The following NPHP4 variants were observed in gnomAD, a reference collection of about 807,000 sequenced individuals.
NPHP4 encodes the protein nephrocystin-4.
In NPHP4, 151 loss-of-function variants were observed where a neutral mutation model predicts 155.8. That is an observed-to-expected ratio of 0.97 (90% CI 0.85 to 1.11). The LOEUF is 1.11. Among genes scored for constraint, NPHP4 ranks in the 50% least tolerant of loss-of-function variants. The pLI is 0.00. For missense variants in NPHP4, 1,956 were observed against 1,925.7 expected (o/e 1.02, Z -0.29); for synonymous variants, 845 against 816.8 (o/e 1.03, Z -0.59).
chr1:5,864,197 G>A, intron 28 of NPHP4, 141 bp downstream of exon 28: 3 of 1,125,300 alleles, frequency 2.7e-6, no homozygotes, highest in Non-Finnish European at 3.8e-6. Context: ...CACAGCACAG[G>A]AGCAAACACT....
chr1:5,880,427 A>T, intron 18 of NPHP4, 188 bp from the exon 19 acceptor site: 1 of 585,006 alleles, frequency 1.7e-6, no homozygotes, highest in Non-Finnish European at 3.0e-6. Flanking sequence ...TCTGCTGCGA[A>T]CTTTCAGCTA....
intron 6 of NPHP4, among the ~76,000 whole-genome samples, chr1:5,956,732 T>C (rs928070533): frequency 3.3e-5 from 5 of 152,190 alleles, no homozygotes; most frequent in African/African-American, 1.2e-4. Flanking sequence ...CAGGACGCTC[T>C]ACTGTAGGAG....
Position 5,897,954 on chromosome 1 carries a change from G to A in NPHP4, c.2143+6663C>T, listed in dbSNP as rs561357211. ...CCAAAACATGGCACGGTTTCTGCAG[G>A]TGGGGACATATGGGATTAGGGCTCT... is the stretch of plus-strand genomic sequence containing the variant. On this transcript the variant is annotated intron_variant, in intron 16 of 29. Coordinates refer to ENST00000378156, the MANE Select transcript of NPHP4 (RefSeq NM_015102.5). Among the ~76,000 whole-genome samples the A allele has an allele frequency of 3.9e-5, 6 of 152,342 alleles. No individual in the cohort carries two copies. The East Asian group carries it at 1.2e-3, about 29-fold the overall frequency.
chr1:5,898,560 C>A (rs1297603943), intron 16 of NPHP4, among the ~76,000 whole-genome samples: 1 of 152,240 alleles, frequency 6.6e-6, no homozygotes, highest in African/African-American at 2.4e-5. Flanking sequence ...TCAGATGCCG[C>A]TCTCTGAGTG....
chr1:5,964,383 G>A (rs1650949130), intron 5 of NPHP4, among the ~76,000 whole-genome samples: 1 of 152,166 alleles, frequency 6.6e-6, no homozygotes, highest in Non-Finnish European at 1.5e-5. Flanking sequence ...CTTGACCCCT[G>A]ACCAAATACC....
intron 16 of NPHP4, among the ~76,000 whole-genome samples, chr1:5,894,705 T>G (rs1052072876): frequency 2.7e-5 from 4 of 150,390 alleles, no homozygotes; most frequent in Non-Finnish European, 5.9e-5. Flanking sequence ...AATAGGAAGA[T>G]AGTAAAGAAT....
At position 5,880,306 on chromosome 1, in the gene NPHP4, C is replaced by T. The variant is rs994060451; in HGVS notation, c.2486-67G>A. 11 of 1,556,256 alleles carry T rather than the reference C, an allele frequency of 7.1e-6. No homozygotes were observed. The Admixed American group carries it at 8.7e-5, about 12-fold the overall frequency. ...GAGAATCTGATGAAACAGATCAACC[C>T]ACCACATAAGCGGCTGTGGCTTTCA... On this transcript the variant is annotated intron_variant, in intron 18 of 29. Transcript: ENST00000378156.
intron 5 of NPHP4, among the ~76,000 whole-genome samples, chr1:5,966,086 A>G (rs1417749431): frequency 6.6e-6 from 1 of 152,018 alleles, no homozygotes; most frequent in Non-Finnish European, 1.5e-5. Flanking sequence ...TGGAGGCTAC[A>G]CTTCCCAGCC....
chr1:5,944,414 G>C lies in NPHP4; in HGVS notation c.1119+2690C>G. ...GCCCGCCCTGGGCCTTCCAAGGAGC[G>C]CGCTGGGCTCCTCTACCACAGCCAC... is the stretch of plus-strand genomic sequence containing the variant. On this transcript the variant is annotated intron_variant, in intron 9 of 29. Coordinates refer to ENST00000378156, the MANE Select transcript of NPHP4 (RefSeq NM_015102.5). This position sits in a 1 kb window ranked among gnomAD's most constrained non-coding sequence, Gnocchi z 4.3. Among the ~76,000 whole-genome samples the C allele has an allele frequency of 6.6e-6, 1 of 152,234 alleles. No homozygotes were observed. Among genetic ancestry groups the C allele is most frequent in the Non-Finnish European group, 1.5e-5 (1 of 68,038 alleles).
chr1:5,927,908 T>C, intron 10 of NPHP4, 121 bp from the exon 11 acceptor site: 2 of 1,011,252 alleles, frequency 2.0e-6, no homozygotes, highest in Non-Finnish European at 2.9e-6. Flanking sequence ...CAGAGGCTTC[T>C]TGATGCCACA....
intron 23 of NPHP4, among the ~76,000 whole-genome samples, chr1:5,868,755 A>C (rs541244356): frequency 9.9e-6 from 1 of 100,556 alleles, no homozygotes; most frequent in East Asian, 2.1e-4. Flanking sequence ...ACACATGTAC[A>C]CATATGCATG....
chr1:5,986,427 T>G, intron 1 of NPHP4, 100 bp from the exon 2 acceptor site: 1 of 983,450 alleles, frequency 1.0e-6, no homozygotes, highest in Non-Finnish European at 1.5e-6. Context: ...CAGAGGAACC[T>G]CCATCCCCCA....
At position 5,927,746 on chromosome 1, in the gene NPHP4, C is replaced by T. The variant is rs765179963; in HGVS notation, c.1344G>A (p.Ser448=). 147 of 1,613,206 alleles carry T rather than the reference C, an allele frequency of 9.1e-5. 2 individuals carry two copies. In the South Asian group the frequency reaches 9.2e-4, roughly 10 times the overall value. The stretch of plus-strand genomic sequence containing the variant: ...CATCCAGGTGTTCTTCTGAGCCCAG[C>T]GAGAACTGGAACCGGAGTGTACCCG... ...VESGTLRFQF[S]LGSEEHLDAP... is the part of the protein sequence containing the mutation. The change falls in exon 11 of 30, where the codon TCG becomes TCA. Residue 448 remains serine, a synonymous_variant. Transcript: ENST00000378156.
chr1:5,961,418 T>A (rs948347020), intron 6 of NPHP4, among the ~76,000 whole-genome samples: 6 of 152,304 alleles, frequency 3.9e-5, no homozygotes, highest in Middle Eastern at 3.4e-3. Flanking sequence ...GTTATCCTTA[T>A]TTTACCTTAA....
At chr1:5,865,417 C>A (rs1313133915) in intron 26 of NPHP4, 144 bp from the exon 27 acceptor site, 6 of 701,874 alleles carry the variant, frequency 8.5e-6, no homozygotes, top group Non-Finnish European at 1.1e-5. Flanking sequence ...GGAGGCAGAG[C>A]TGGGGCCACG....
chr1:5,966,942 T>A (rs1651626200), intron 5 of NPHP4, among the ~76,000 whole-genome samples: 1 of 152,228 alleles, frequency 6.6e-6, no homozygotes, highest in Non-Finnish European at 1.5e-5. Context: ...GGCCTTGCCA[T>A]GCTGGAGATA....
At chr1:5,964,933 A>ATTTTTTTTTTT (rs1327414741) in intron 5 of NPHP4, among the ~76,000 whole-genome samples, 11 of 23,774 alleles carry the variant, frequency 4.6e-4, no homozygotes, top group African/African-American at 1.8e-3. Context: ...ATATATATAT[A>ATTTTTTTTTTT]TATATATATT....
At chr1:5,939,010 G>C (rs1361910269) in intron 9 of NPHP4, among the ~76,000 whole-genome samples, 1 of 152,114 alleles carries the variant, frequency 6.6e-6, no homozygotes, top group East Asian at 1.9e-4. Context: ...GCTATAAATA[G>C]AATGATGTCT....
chr1:5,877,241 A>C lies in NPHP4; in HGVS notation c.2669T>G (p.Met890Arg). The C allele has an allele frequency of 2.5e-6, 4 of 1,608,636 alleles. No individual in the cohort carries two copies. The highest frequency in any genetic ancestry group is 3.4e-6 in the Non-Finnish European group (4 of 1,176,482). ...GCCCTGCCGGGCATGGGTCAGTAGCATGGCAGCCAGCTCACTGTCCACGTC... is the reference window on the plus strand; with the variant it reads ...GCCCTGCCGGGCATGGGTCAGTAGCCTGGCAGCCAGCTCACTGTCCACGTC... Reference protein sequence around the residue: ...LADVDSELAAMLLTHARQGKG... With the variant: ...LADVDSELAARLLTHARQGKG... The change falls in exon 20 of 30, where the codon ATG (methionine) becomes AGG (arginine). Residue 890 changes from methionine (M) to arginine (R), a missense_variant. Physicochemically the swap from Met to Arg is moderately conservative, Grantham distance 91. Coordinates refer to ENST00000378156, the MANE Select transcript of NPHP4 (RefSeq NM_015102.5).
Sources: allele counts gnomAD v4.1 joint callset (sites outside exome capture counted in the v4.1 genomes callset), GRCh38; gene constraint gnomAD v4.1.1; non-coding constraint Gnocchi (gnomAD v3.1); transcripts MANE v1.5; gene names NCBI Gene and HGNC (gene_info 2026-07-23, HGNC 2026-07-21).